Variants in VAV3 observed in about 807,000 individuals in gnomAD.
The protein encoded by VAV3 is guanine nucleotide exchange factor VAV3.
In VAV3, 94 loss-of-function variants were observed where a neutral mutation model predicts 131.2. That is an observed-to-expected ratio of 0.72 (90% CI 0.61 to 0.85). The LOEUF (loss-of-function observed/expected upper bound fraction) is 0.85, where lower values mean the gene tolerates loss of function less well. Ranked by LOEUF, VAV3 falls within the 40% of genes least tolerant of loss-of-function variation. The pLI is 0.00. For missense variants in VAV3, 939 were observed against 1,002.7 expected, an observed-to-expected ratio of 0.94 and a Z score of 0.86; for synonymous variants, 349 against 342.0, an observed-to-expected ratio of 1.02 and a Z score of -0.22.
chr1:107,804,393 T>G (rs1262678705), intron 2 of VAV3, among the ~76,000 whole-genome samples: 1 of 152,164 alleles, frequency 6.6e-6, no homozygotes, highest in East Asian at 1.9e-4. Flanking sequence ...TTTCTAATTT[T>G]AGCATATCTA....
chr1:107,777,186 CA>C (rs1220728774), intron 4 of VAV3, 44 bp downstream of exon 4: 12 of 1,535,576 alleles, frequency 7.8e-6, no homozygotes, highest in Non-Finnish European at 1.1e-5. Context: ...ACAATGGACA[CA>C]TAAATTGGCA....
intron 17 of VAV3, among the ~76,000 whole-genome samples, chr1:107,697,326 T>C (rs1659808885): frequency 2.6e-5 from 4 of 152,194 alleles, no homozygotes. Context: ...CTATGAGCAT[T>C]CGGTGTTACC....
chr1:107,824,617 C>T (rs1219504121), intron 2 of VAV3, among the ~76,000 whole-genome samples: 1 of 152,098 alleles, frequency 6.6e-6, no homozygotes, highest in Admixed American at 6.6e-5. Flanking sequence ...TATATCTGTA[C>T]TTCCAGCAAG....
At chr1:107,834,189 T>C (rs6686481) in intron 2 of VAV3, among the ~76,000 whole-genome samples, 8,858 of 152,202 alleles carry the variant, frequency 0.058, 468 homozygotes, top group African/African-American at 0.14. Context: ...TGCACCCTTA[T>C]GGACACACAC....
chr1:107,921,048 T>A (rs1672874738), intron 1 of VAV3, among the ~76,000 whole-genome samples: 2 of 152,232 alleles, frequency 1.3e-5, no homozygotes, highest in South Asian at 4.1e-4. Flanking sequence ...CAATTCACCT[T>A]CACTCTGCTC....
intron 22 of VAV3, among the ~76,000 whole-genome samples, chr1:107,608,624 G>A (rs1652483796): frequency 6.6e-6 from 1 of 152,208 alleles, no homozygotes; most frequent in South Asian, 2.1e-4. Context: ...ATCAGGAAGG[G>A]TAGACAGTAA....
intron 15 of VAV3, among the ~76,000 whole-genome samples, chr1:107,729,754 T>G (rs574152347): frequency 1.3e-5 from 2 of 152,342 alleles, no homozygotes; most frequent in East Asian, 3.9e-4. Context: ...TCAGAAAATA[T>G]GAATTATCTC....
intron 24 of VAV3, among the ~76,000 whole-genome samples, chr1:107,598,326 A>G (rs1247728013): frequency 1.3e-5 from 2 of 152,174 alleles, no homozygotes; most frequent in Admixed American, 6.5e-5. Context: ...ACTGTACTCC[A>G]GCCTGGGCAA....
chr1:107,623,085 T>A (rs941872548), intron 20 of VAV3, among the ~76,000 whole-genome samples: 1 of 152,114 alleles, frequency 6.6e-6, no homozygotes, highest in Non-Finnish European at 1.5e-5. Context: ...ATTGTAACCA[T>A]CATCAGTTAC....
chr1:107,838,635 C>G (rs1317631780), intron 2 of VAV3, among the ~76,000 whole-genome samples: 1 of 152,136 alleles, frequency 6.6e-6, no homozygotes, highest in Non-Finnish European at 1.5e-5. Flanking sequence ...AATCATTCTA[C>G]CTAGAGACAC....
intron 1 of VAV3, among the ~76,000 whole-genome samples, chr1:107,902,614 T>C (rs1341826912): frequency 1.3e-5 from 2 of 152,208 alleles, no homozygotes; most frequent in Non-Finnish European, 2.9e-5. Flanking sequence ...TTTGTTCTTT[T>C]ACGTATTTTA....
At chr1:107,835,664 G>GGAGATCAGTCAATGGA (rs1668445637) in intron 2 of VAV3, among the ~76,000 whole-genome samples, 1 of 152,320 alleles carries the variant, frequency 6.6e-6, no homozygotes, top group Admixed American at 6.5e-5. Flanking sequence ...GCCACCAGAA[G>GGAGATCAGTCAATGGA]GAGATCAGTC....
At chr1:107,762,717 G>GA (rs1260330568) in intron 9 of VAV3, among the ~76,000 whole-genome samples, 1 of 151,960 alleles carries the variant, frequency 6.6e-6, no homozygotes. Context: ...AAATGTTGAA[G>GA]AAAAAAAGTC....
chr1:107,939,847 TC>T (rs1314094948), intron 1 of VAV3, among the ~76,000 whole-genome samples: 1 of 151,272 alleles, frequency 6.6e-6, no homozygotes, highest in Non-Finnish European at 1.5e-5. Flanking sequence ...ACTTAATATC[TC>T]CCCCCACCCC....
chr1:107,847,585 G>T (rs1669028718), intron 2 of VAV3, among the ~76,000 whole-genome samples: 1 of 152,100 alleles, frequency 6.6e-6, no homozygotes, highest in African/African-American at 2.4e-5. Context: ...TGATAAAGGG[G>T]ATATCACCAC....
intron 25 of VAV3, among the ~76,000 whole-genome samples, chr1:107,592,474 GT>G (rs1651045550): frequency 6.6e-6 from 1 of 152,024 alleles, no homozygotes; most frequent in Non-Finnish European, 1.5e-5. Context: ...TATAAATATA[GT>G]GATAGCCATT....
chr1:107,820,479 G>C (rs1667750951), intron 2 of VAV3, among the ~76,000 whole-genome samples: 1 of 151,948 alleles, frequency 6.6e-6, no homozygotes, highest in Non-Finnish European at 1.5e-5. Flanking sequence ...GAGTGGGGGG[G>C]TAGGGTGTAG....
At chr1:107,810,938 C>CTAAT (rs1247110818) in intron 2 of VAV3, among the ~76,000 whole-genome samples, 1 of 151,610 alleles carries the variant, frequency 6.6e-6, no homozygotes, top group Non-Finnish European at 1.5e-5. Flanking sequence ...AAAAGGAAAA[C>CTAAT]ATTAAAGGTC....
intron 25 of VAV3, among the ~76,000 whole-genome samples, chr1:107,574,939 T>A (rs1649503146): frequency 6.6e-6 from 1 of 150,942 alleles, no homozygotes; most frequent in African/African-American, 2.4e-5. Flanking sequence ...GTATTAAATA[T>A]CCTGTGTTCA....
Sources: gnomAD v4.1 joint callset for allele counts (sites outside exome capture counted in the v4.1 genomes callset) on GRCh38, gnomAD v4.1.1 for gene constraint, MANE v1.5 for transcripts, NCBI Gene and HGNC (gene_info 2026-07-23, HGNC 2026-07-21) for gene names.